The following GALNTL6 variants were observed in gnomAD, a reference collection of about 807,000 sequenced individuals.
The protein encoded by GALNTL6 is polypeptide N-acetylgalactosaminyltransferase-like 6.
Under a neutral mutation model 73.7 loss-of-function variants are expected in GALNTL6, and 46 were observed. The observed-to-expected ratio is 0.62, with a 90% CI of 0.49 to 0.80. GALNTL6 has a LOEUF of 0.80. Ranked by LOEUF, GALNTL6 falls within the 30% of genes least tolerant of loss-of-function variation. The probability of loss-of-function intolerance (pLI) is 0.00; values close to 1 mark genes in which losing one functional copy is unlikely to be tolerated. For missense variants in GALNTL6, 604 were observed against 755.0 expected (o/e 0.80, Z 2.34); for synonymous variants, 259 against 263.7 (o/e 0.98, Z 0.17).
At chr4:172,368,019 C>T (rs539592306) in intron 5 of GALNTL6, among the ~76,000 whole-genome samples, 125 of 152,180 alleles carry the variant, frequency 8.2e-4, no homozygotes, top group Admixed American at 1.8e-3. Flanking sequence ...CACAGAAATT[C>T]TTTTGTCTTT....
chr4:172,287,934 T>C (rs1739320850), intron 3 of GALNTL6, among the ~76,000 whole-genome samples: 1 of 152,092 alleles, frequency 6.6e-6, no homozygotes, highest in Non-Finnish European at 1.5e-5. Context: ...CTGAAACCTG[T>C]AAGCAGGGTA....
chr4:172,897,089 C>G (rs1746368593), intron 8 of GALNTL6, among the ~76,000 whole-genome samples: 1 of 152,224 alleles, frequency 6.6e-6, no homozygotes, highest in African/African-American at 2.4e-5. Context: ...CCCAGCAGGT[C>G]TCAGCACATA....
At chr4:172,026,480 G>A (rs897951509) in intron 2 of GALNTL6, among the ~76,000 whole-genome samples, 3 of 152,004 alleles carry the variant, frequency 2.0e-5, no homozygotes, top group African/African-American at 7.2e-5. Context: ...AGCCACATGC[G>A]CTCCTTGAAC....
rs141986710 is a variant in GALNTL6, at chr4:172,625,255, G to T, written c.554-184106G>T. The stretch of plus-strand genomic sequence containing the variant: ...ATCTACTGTTCCCATCTTTATGTCC[G>T]TACATACCCAATGTTTAACTCCCAC... On this transcript the variant is annotated intron_variant, in intron 5 of 12. Coordinates refer to ENST00000506823, the MANE Select transcript of GALNTL6 (RefSeq NM_001034845.3). Among the ~76,000 whole-genome samples the T allele has an allele frequency of 4.0e-5, 6 of 151,512 alleles. No homozygotes were observed. In the East Asian group the frequency reaches 1.2e-3, roughly 29 times the overall value.
At chr4:172,270,060 T>C (rs1007440224) in intron 3 of GALNTL6, among the ~76,000 whole-genome samples, 1 of 152,140 alleles carries the variant, frequency 6.6e-6, no homozygotes, top group African/African-American at 2.4e-5. Flanking sequence ...GTATCAGATT[T>C]TAAATACTTA....
chr4:173,017,601 C>G (rs1292328868), intron 11 of GALNTL6, among the ~76,000 whole-genome samples: 1 of 152,014 alleles, frequency 6.6e-6, no homozygotes, highest in Non-Finnish European at 1.5e-5. Context: ...ATGAGCTAAT[C>G]GTAGGTGTAG....
At chr4:172,608,751 C>A (rs902444027) in intron 5 of GALNTL6, among the ~76,000 whole-genome samples, 1 of 151,736 alleles carries the variant, frequency 6.6e-6, no homozygotes, top group African/African-American at 2.4e-5. Context: ...TTTAATAATA[C>A]TGATTTAGCA....
At chr4:171,909,131 A>G (rs1469643141) in intron 2 of GALNTL6, among the ~76,000 whole-genome samples, 2 of 150,002 alleles carry the variant, frequency 1.3e-5, no homozygotes, top group Admixed American at 1.3e-4. Flanking sequence ...GTACCCTAAA[A>G]CTTAAAGTAT....
At chr4:172,427,966 A>G (rs1731292707) in intron 5 of GALNTL6, among the ~76,000 whole-genome samples, 3 of 152,176 alleles carry the variant, frequency 2.0e-5, no homozygotes, top group African/African-American at 7.2e-5. Context: ...GTCCTCATCA[A>G]GATAATGGAG....
intron 11 of GALNTL6, among the ~76,000 whole-genome samples, chr4:173,018,006 A>T (rs1462872893): frequency 2.6e-5 from 4 of 152,204 alleles, no homozygotes; most frequent in Non-Finnish European, 5.9e-5. Context: ...TAACTGACTC[A>T]TGAGGGACTG....
intron 5 of GALNTL6, among the ~76,000 whole-genome samples, chr4:172,589,833 CTCTCTCTCTCTG>C (rs1279924702): frequency 6.6e-6 from 1 of 152,116 alleles, no homozygotes; most frequent in Non-Finnish European, 1.5e-5. Context: ...CATGCAGTCT[CTCTCTCTCTCTG>C]TCTCTCTCTC....
intron 8 of GALNTL6, among the ~76,000 whole-genome samples, chr4:172,927,456 C>G (rs772321079): frequency 6.6e-6 from 1 of 152,148 alleles, no homozygotes; most frequent in Admixed American, 6.5e-5. Flanking sequence ...GTTCCAATTA[C>G]TACTGTTGCA....
chr4:171,854,087 C>T (rs569078265), intron 2 of GALNTL6, among the ~76,000 whole-genome samples: 3 of 152,210 alleles, frequency 2.0e-5, no homozygotes, highest in East Asian at 1.9e-4. Context: ...AATATATATA[C>T]GCATATACTC....
In GALNTL6 at chr4:172,369,492, G is replaced by A. The variant is rs377613755; in HGVS notation, c.553+20803G>A. Among the ~76,000 whole-genome samples the A allele has an allele frequency of 3.9e-5, 6 of 152,168 alleles. No individual in the cohort carries two copies. The East Asian group carries it at 5.8e-4, about 15-fold the overall frequency. ...ACACTGCACTCCTCAGCCCTTGGGC[G>A]GTCGATGGGAGTGGGCGCCGCGGAG... On this transcript the variant is annotated intron_variant, in intron 5 of 12. Transcript: ENST00000506823.
chr4:172,311,507 C>A, intron 3 of GALNTL6, 107 bp from the exon 4 acceptor site: 1 of 807,320 alleles, frequency 1.2e-6, no homozygotes, highest in Non-Finnish European at 1.8e-6. Flanking sequence ...GCTCCTTCTG[C>A]AGAGCACAGC....
intron 5 of GALNTL6, among the ~76,000 whole-genome samples, chr4:172,745,374 G>T (rs1429514021): frequency 6.6e-6 from 1 of 150,490 alleles, no homozygotes; most frequent in Non-Finnish European, 1.5e-5. Context: ...TATTTTAGTG[G>T]TTATTATTAC....
At chr4:172,420,402 G>A (rs752681912) in intron 5 of GALNTL6, among the ~76,000 whole-genome samples, 3 of 152,178 alleles carry the variant, frequency 2.0e-5, no homozygotes, top group Non-Finnish European at 4.4e-5. Context: ...ACAGCATAGT[G>A]AATTCTACAC....
At chr4:172,065,573 A>T (rs1731333903) in intron 2 of GALNTL6, among the ~76,000 whole-genome samples, 1 of 150,232 alleles carries the variant, frequency 6.7e-6, no homozygotes. Flanking sequence ...AAAAAGACTA[A>T]TTTTTTTTTT....
intron 2 of GALNTL6, among the ~76,000 whole-genome samples, chr4:172,077,317 G>A (rs1381792848): frequency 5.3e-5 from 8 of 152,084 alleles, no homozygotes; most frequent in Non-Finnish European, 1.2e-4. Context: ...GAAAAGCCGG[G>A]CACTTTCTAG....
Sources: allele counts gnomAD v4.1 joint callset (sites outside exome capture counted in the v4.1 genomes callset), GRCh38; gene constraint gnomAD v4.1.1; transcripts MANE v1.5; gene names NCBI Gene and HGNC (gene_info 2026-07-23, HGNC 2026-07-21).